Variants in PTGES3 observed in about 807,000 individuals in gnomAD.
PTGES3 encodes Hsp90 co-chaperone.
PTGES3 carries 5 observed loss-of-function variants against 29.9 expected under a neutral mutation model. The observed-to-expected ratio is 0.17, with a 90% CI of 0.09 to 0.35. PTGES3 has a LOEUF of 0.35. PTGES3 is among the 10% of genes least tolerant of loss of function. PTGES3 has a pLI of 1.00. For missense variants in PTGES3, 128 were observed against 190.0 expected, an observed-to-expected ratio of 0.67 and a Z score of 1.92; for synonymous variants, 49 against 57.8, an observed-to-expected ratio of 0.85 and a Z score of 0.69.
chr12:56,675,027 A>AAAAAAG (rs71081385), intron 1 of PTGES3, among the ~76,000 whole-genome samples: 1 of 144,264 alleles, frequency 6.9e-6, no homozygotes, highest in Non-Finnish European at 1.5e-5. Flanking sequence ...AAAAAAAAAA[A>AAAAAAG]GTGCTGGTTC....
chr12:56,667,823 C>T (rs375591021), intron 5 of PTGES3, among the ~76,000 whole-genome samples: 29 of 152,272 alleles, frequency 1.9e-4, no homozygotes, highest in South Asian at 1.5e-3. Context: ...GATAGCTGGG[C>T]GTGGCCAGGT....
chr12:56,679,155 A>G (rs1007774563), intron 1 of PTGES3, among the ~76,000 whole-genome samples: 9 of 152,184 alleles, frequency 5.9e-5, no homozygotes, highest in Admixed American at 3.9e-4. Flanking sequence ...CTCACATCTA[A>G]TATCAGCACT....
intron 1 of PTGES3, among the ~76,000 whole-genome samples, chr12:56,675,289 G>C (rs1592259746): frequency 6.6e-6 from 1 of 151,422 alleles, no homozygotes; most frequent in African/African-American, 2.4e-5. Flanking sequence ...GACAGAGCAA[G>C]ACTCTGTCTC....
At chr12:56,676,684 C>T (rs369570085) in intron 1 of PTGES3, among the ~76,000 whole-genome samples, 14 of 152,056 alleles carry the variant, frequency 9.2e-5, no homozygotes, top group African/African-American at 3.1e-4. Flanking sequence ...TGCCTATAAT[C>T]CCAGCACTTT....
Position 56,671,744 on chromosome 12 carries a change from C to A in PTGES3, c.285+5G>T. The stretch of plus-strand genomic sequence containing the variant: ...AACTTTTCAAAAAAGGAAAATGAAA[C>A]CTACCTTTGCCCTTTCTTTTGTTAA... On this transcript the variant is annotated splice_donor_5th_base_variant and intron_variant, in intron 4 of 7. Coordinates refer to ENST00000262033, the MANE Select transcript of PTGES3 (RefSeq NM_006601.7). 1 of 1,496,936 alleles carries A rather than the reference C, an allele frequency of 6.7e-7. No individual in the cohort carries two copies. Among genetic ancestry groups the A allele is most frequent in the Non-Finnish European group, 9.0e-7 (1 of 1,117,154 alleles). The allele number at this position is 1,496,936 out of a possible 1,614,324, so 92.7% of individuals were successfully genotyped here.
intron 1 of PTGES3, among the ~76,000 whole-genome samples, chr12:56,686,629 G>T (rs956506304): frequency 6.6e-6 from 1 of 151,834 alleles, no homozygotes; most frequent in South Asian, 2.1e-4. Flanking sequence ...CGCCCGCCTC[G>T]GCCTCTCAGA....
chr12:56,680,932 C>T (rs1952505935), intron 1 of PTGES3, among the ~76,000 whole-genome samples: 1 of 151,750 alleles, frequency 6.6e-6, no homozygotes, highest in Non-Finnish European at 1.5e-5. Context: ...TACATGCTAC[C>T]ACACACCCAG....
At chr12:56,682,737 G>T (rs1264041453) in intron 1 of PTGES3, among the ~76,000 whole-genome samples, 1 of 36,938 alleles carries the variant, frequency 2.7e-5, no homozygotes, top group African/African-American at 1.2e-4. Context: ...AAAAAAAAAA[G>T]GCCGGGCGTG....
At chr12:56,679,692 G>A (rs184230709) in intron 1 of PTGES3, among the ~76,000 whole-genome samples, 17 of 151,904 alleles carry the variant, frequency 1.1e-4, no homozygotes, top group Non-Finnish European at 1.9e-4. Context: ...TTTAGACGGA[G>A]TCTCACTCTG....
chr12:56,679,777 C>T (rs1265377740), intron 1 of PTGES3, among the ~76,000 whole-genome samples: 1 of 152,072 alleles, frequency 6.6e-6, no homozygotes, highest in African/African-American at 2.4e-5. Context: ...CAGGTTGAAG[C>T]AATTCTTCTG....
At chr12:56,676,886 A>C (rs1952274474) in intron 1 of PTGES3, among the ~76,000 whole-genome samples, 1 of 128,800 alleles carries the variant, frequency 7.8e-6, no homozygotes, top group African/African-American at 2.9e-5. Flanking sequence ...GTGCCACTGC[A>C]CTGCAGCCTG....
At chr12:56,675,991 C>G (rs1004058031) in intron 1 of PTGES3, among the ~76,000 whole-genome samples, 3 of 152,036 alleles carry the variant, frequency 2.0e-5, no homozygotes, top group Non-Finnish European at 4.4e-5. Flanking sequence ...CTTTGTGAGG[C>G]CAAGGCTGAT....
intron 1 of PTGES3, among the ~76,000 whole-genome samples, chr12:56,685,787 T>A (rs1030012032): frequency 7.0e-6 from 1 of 143,868 alleles, no homozygotes; most frequent in Non-Finnish European, 1.5e-5. Flanking sequence ...TTTTTTTTTT[T>A]TTTTTTTGAG....
intron 1 of PTGES3, among the ~76,000 whole-genome samples, chr12:56,686,083 C>T (rs1592289722): frequency 6.8e-6 from 1 of 147,224 alleles, no homozygotes; most frequent in Non-Finnish European, 1.5e-5. Context: ...CTTACACTTA[C>T]TTTTCACCCA....
At chr12:56,666,348 C>A in intron 5 of PTGES3, 82 bp from the exon 6 acceptor site, 1 of 1,495,080 alleles carries the variant, frequency 6.7e-7, no homozygotes, top group Non-Finnish European at 8.9e-7. Context: ...CAGAATAAAC[C>A]TTAAGTCTGC....
chr12:56,686,357 A>G (rs1424224378), intron 1 of PTGES3, among the ~76,000 whole-genome samples: 1 of 138,818 alleles, frequency 7.2e-6, no homozygotes, highest in African/African-American at 2.6e-5. Context: ...AGCAAAAACT[A>G]TTTTATATAC....
At chr12:56,687,972 T>A in intron 1 of PTGES3, 26 bp downstream of exon 1, 1 of 1,601,802 alleles carries the variant, frequency 6.2e-7, no homozygotes, top group South Asian at 1.1e-5. Flanking sequence ...CTCGGCGACC[T>A]TCCCTCGGCG....
intron 1 of PTGES3, among the ~76,000 whole-genome samples, chr12:56,681,108 A>G (rs933048700): frequency 1.3e-5 from 2 of 151,300 alleles, no homozygotes; most frequent in Non-Finnish European, 2.9e-5. Flanking sequence ...TTTTGTTTGG[A>G]CAGAGTTTTT....
At chr12:56,668,785 TAGC>T (rs1185156631) in intron 5 of PTGES3, among the ~76,000 whole-genome samples, 1 of 152,146 alleles carries the variant, frequency 6.6e-6, no homozygotes, top group Non-Finnish European at 1.5e-5. Context: ...AAATTTCAAA[TAGC>T]AACAAGAAAT....
Sources: gnomAD v4.1 joint callset for allele counts (sites outside exome capture counted in the v4.1 genomes callset) on GRCh38, gnomAD v4.1.1 for gene constraint, MANE v1.5 for transcripts, NCBI Gene and HGNC (gene_info 2026-07-23, HGNC 2026-07-21) for gene names.